Variants in PTPRD observed in about 807,000 individuals in gnomAD.
The protein encoded by PTPRD is protein tyrosine phosphatase receptor type D.
Under a neutral mutation model 214.5 loss-of-function variants are expected in PTPRD, and 34 were observed. The observed-to-expected ratio is 0.16, with a 90% confidence interval of 0.12 to 0.21. The LOEUF (loss-of-function observed/expected upper bound fraction) is 0.21. Among genes scored for constraint, PTPRD ranks in the 10% least tolerant of loss-of-function variants. The pLI, the probability that PTPRD is intolerant of heterozygous loss-of-function variation, is 1.00. For synonymous variants in PTPRD, 1,128 were observed against 845.7 expected, an observed-to-expected ratio of 1.33 and a Z score of -5.79; for missense variants, 2,545 against 2,398.7, an observed-to-expected ratio of 1.06 and a Z score of -1.27.
chr9:8,979,365 G>C lies in PTPRD; in HGVS notation c.-104+39332C>G, dbSNP rs552990488. ...TTTTGGATATCACACCAAAGGCTCA[G>C]GCTACAAAAGCAAAAATAAATGAAA... is the stretch of plus-strand genomic sequence containing the variant. On this transcript the variant is annotated intron_variant, in intron 11 of 45. Transcript: ENST00000381196. 2.0e-5 allele frequency among the ~76,000 whole-genome samples: 3 copies of C among 152,058 alleles called. No homozygotes were observed. In the East Asian group the frequency reaches 5.8e-4, roughly 30 times the overall value.
chr9:10,334,703 C>T (rs1272465821), intron 3 of PTPRD, among the ~76,000 whole-genome samples: 1 of 151,420 alleles, frequency 6.6e-6, no homozygotes, highest in African/African-American at 2.4e-5. Context: ...AACTAATCAG[C>T]CGTTATAGCA....
intron 8 of PTPRD, among the ~76,000 whole-genome samples, chr9:9,458,253 T>C (rs1289013069): frequency 6.6e-6 from 1 of 152,016 alleles, no homozygotes; most frequent in Admixed American, 6.6e-5. Flanking sequence ...AATTCAAGTG[T>C]ACAATGGAAA....
chr9:9,652,852 G>A (rs1212215273), intron 7 of PTPRD, among the ~76,000 whole-genome samples: 2 of 151,942 alleles, frequency 1.3e-5, no homozygotes, highest in African/African-American at 2.4e-5. Flanking sequence ...GACCTCAGGT[G>A]ATCCACCTGC....
chr9:8,768,925 C>T (rs1368825781), intron 11 of PTPRD, among the ~76,000 whole-genome samples: 5 of 152,152 alleles, frequency 3.3e-5, no homozygotes. Flanking sequence ...AGTCTAATGC[C>T]GTTCTTACCA....
chr9:10,296,052 A>G (rs981703579), intron 3 of PTPRD, among the ~76,000 whole-genome samples: 2 of 152,104 alleles, frequency 1.3e-5, no homozygotes, highest in African/African-American at 4.8e-5. Context: ...GTACACAACT[A>G]TTTATCACCA....
chr9:8,735,153 T>G (rs1423648182), intron 11 of PTPRD, among the ~76,000 whole-genome samples: 1 of 105,358 alleles, frequency 9.5e-6, no homozygotes, highest in Non-Finnish European at 2.3e-5. Flanking sequence ...TTTTTTTCTG[T>G]TTTTTTTTTT....
At chr9:10,356,862 T>C (rs1270382387) in intron 2 of PTPRD, among the ~76,000 whole-genome samples, 1 of 151,836 alleles carries the variant, frequency 6.6e-6, no homozygotes, top group Non-Finnish European at 1.5e-5. Flanking sequence ...GTTTTTTTAG[T>C]AGAGACGGGG....
chr9:10,589,834 C>T (rs529189174), intron 2 of PTPRD, among the ~76,000 whole-genome samples: 2 of 152,116 alleles, frequency 1.3e-5, no homozygotes, highest in South Asian at 4.1e-4. Flanking sequence ...TACATTTGAA[C>T]AGGTGAAATA....
intron 9 of PTPRD, among the ~76,000 whole-genome samples, chr9:9,230,912 A>G (rs2099962707): frequency 6.6e-6 from 1 of 152,162 alleles, no homozygotes; most frequent in Non-Finnish European, 1.5e-5. Flanking sequence ...GGAAGCTAAG[A>G]AAAACAGATT....
In PTPRD at chr9:8,733,956, G is replaced by C. The variant is rs2098689117; in HGVS notation, c.-103-10C>G. On this transcript the variant is annotated splice_polypyrimidine_tract_variant and intron_variant, in intron 11 of 45. Transcript: ENST00000381196. Reference sequence around the variant, plus strand: ...GGAACACTTTCAGAGCCTGAAAGCGGGGAGGAAGAGAAAAGAAAAGGAAGA... The same window carrying C: ...GGAACACTTTCAGAGCCTGAAAGCGCGGAGGAAGAGAAAAGAAAAGGAAGA... The C allele has an allele frequency of 1.9e-6, 2 of 1,055,696 alleles. No homozygotes were observed. The highest frequency in any genetic ancestry group is 2.8e-6 in the Non-Finnish European group (2 of 714,904). 65.4% of individuals were successfully genotyped at this position (1,055,696 alleles called of 1,614,324 possible). A position where few individuals can be genotyped will look rare whatever the true frequency, so the allele number is the denominator to read the frequency against.
chr9:8,831,080 T>G (rs1024293555), intron 11 of PTPRD, among the ~76,000 whole-genome samples: 1 of 152,148 alleles, frequency 6.6e-6, no homozygotes, highest in Admixed American at 6.5e-5. Flanking sequence ...ACATTTGGCA[T>G]CACTGAATCC....
chr9:10,181,230 C>T (rs1270117091), intron 3 of PTPRD, among the ~76,000 whole-genome samples: 2 of 151,972 alleles, frequency 1.3e-5, no homozygotes, highest in Non-Finnish European at 2.9e-5. Flanking sequence ...TTTATATGAG[C>T]AATTTTCAAC....
chr9:8,558,990 G>A (rs759542442), intron 14 of PTPRD, among the ~76,000 whole-genome samples: 18 of 151,554 alleles, frequency 1.2e-4, no homozygotes, highest in Non-Finnish European at 1.5e-5. Context: ...AAGTACAACT[G>A]CGTTTAAAAT....
chr9:9,880,107 CTGA>C (rs964387119), intron 5 of PTPRD, among the ~76,000 whole-genome samples: 3 of 152,082 alleles, frequency 2.0e-5, no homozygotes, highest in Non-Finnish European at 4.4e-5. Flanking sequence ...GGGCAGTTCC[CTGA>C]TGGTGTTCTT....
rs554371407 is a variant in PTPRD, at chr9:9,877,611, A to T, written c.-368+60896T>A. Among the ~76,000 whole-genome samples, 3 of 152,230 alleles carry T rather than the reference A, an allele frequency of 2.0e-5. No homozygotes were observed. The East Asian group carries it at 5.8e-4, about 29-fold the overall frequency. On this transcript the variant is annotated intron_variant, in intron 5 of 45. Coordinates refer to ENST00000381196, the MANE Select transcript of PTPRD (RefSeq NM_002839.4). ...TAGTTGAAGGTAAAAAGAATTCTTA[A>T]TTATTGTGTTGGGTACATTCTAGAT... is the stretch of plus-strand genomic sequence containing the variant.
chr9:8,799,726 C>T (rs1386654679), intron 11 of PTPRD, among the ~76,000 whole-genome samples: 1 of 152,024 alleles, frequency 6.6e-6, no homozygotes, highest in East Asian at 1.9e-4. Flanking sequence ...AAGAATTATT[C>T]TTTTATGTTT....
rs2079921939 is a variant in PTPRD, at chr9:9,550,448, T to C, written c.-237+24284A>G. Reference sequence around the variant, plus strand: ...ATTATATATTAATGTATATTATGTATAGTATTATACGTAGTATATTATGCA... The same window carrying C: ...ATTATATATTAATGTATATTATGTACAGTATTATACGTAGTATATTATGCA... On this transcript the variant is annotated intron_variant, in intron 8 of 45. Transcript: ENST00000381196. 2.0e-5 allele frequency among the ~76,000 whole-genome samples: 3 copies of C among 148,168 alleles called. 1 individual carries two copies. In the Admixed American group the frequency reaches 2.0e-4, roughly 10 times the overall value.
At chr9:8,651,197 C>T (rs2096799752) in intron 12 of PTPRD, among the ~76,000 whole-genome samples, 1 of 152,116 alleles carries the variant, frequency 6.6e-6, no homozygotes, top group Non-Finnish European at 1.5e-5. Context: ...GCAGATGTCT[C>T]CCCACGTTTA....
Position 9,038,337 on chromosome 9 carries a change from C to T in PTPRD, c.-142-19602G>A, listed in dbSNP as rs536218625. ...GCTGGCTGGTCCATCGCCTTTCCTT[C>T]GTCTCAGATGTATTCATTTTACTTT... On this transcript the variant is annotated intron_variant, in intron 10 of 45. Coordinates refer to ENST00000381196, the MANE Select transcript of PTPRD (RefSeq NM_002839.4). Among the ~76,000 whole-genome samples, 100 of 152,168 alleles carry T rather than the reference C, an allele frequency of 6.6e-4. 1 individual carries two copies. The highest frequency in any genetic ancestry group is 2.2e-3 in the African/African-American group (90 of 41,504).
Sources: allele counts gnomAD v4.1 joint callset (sites outside exome capture counted in the v4.1 genomes callset), GRCh38; gene constraint gnomAD v4.1.1; transcripts MANE v1.5; gene names NCBI Gene and HGNC (gene_info 2026-07-23, HGNC 2026-07-21).